Variants in STK31 observed in about 807,000 individuals in gnomAD.
STK31 encodes serine/threonine-protein kinase 31.
A neutral mutation model predicts 129.7 loss-of-function variants in STK31; 89 were observed. The ratio of observed to expected loss-of-function variants is 0.69; its 90% CI spans 0.58 to 0.82. The LOEUF is 0.82. STK31 is among the 40% of genes least tolerant of loss of function. STK31 has a pLI of 0.00. For missense variants in STK31, 1,187 were observed against 1,176.4 expected, an observed-to-expected ratio of 1.01 and a Z score of -0.13; for synonymous variants, 448 against 395.3, an observed-to-expected ratio of 1.13 and a Z score of -1.58.
chr7:23,811,465 T>C (rs186207275), intron 22 of STK31: 128 of 318,938 alleles, frequency 4.0e-4, no homozygotes, highest in Non-Finnish European at 6.8e-4. Flanking sequence ...CAGTGATTAC[T>C]GTGCTTTCAG....
intron 8 of STK31, among the ~76,000 whole-genome samples, chr7:23,750,067 T>TTCCCCCC (rs1788611310): frequency 3.3e-5 from 3 of 90,548 alleles, no homozygotes; most frequent in Admixed American, 1.4e-4. Flanking sequence ...ATGGTTTGTT[T>TTCCCCCC]CCCCCCCCGC....
intron 1 of STK31, chr7:23,710,556 T>C (rs1215131251): frequency 7.1e-7 from 1 of 1,408,500 alleles, no homozygotes; most frequent in Non-Finnish European, 9.2e-7. Context: ...CTGAATGATC[T>C]CCATGAAGAC....
chr7:23,793,233 T>C (rs1269662537), intron 22 of STK31, among the ~76,000 whole-genome samples: 1 of 152,230 alleles, frequency 6.6e-6, no homozygotes, highest in African/African-American at 2.4e-5. Context: ...TCTTATACCA[T>C]GCACAAAAAT....
chr7:23,810,017 C>T (rs1161023025), intron 22 of STK31, among the ~76,000 whole-genome samples: 1 of 152,064 alleles, frequency 6.6e-6, no homozygotes, highest in Non-Finnish European at 1.5e-5. Context: ...AGTTGAAGTC[C>T]CTGGCTATAA....
chr7:23,783,152 G>A (rs933720572), intron 16 of STK31, among the ~76,000 whole-genome samples: 2 of 152,168 alleles, frequency 1.3e-5, no homozygotes, highest in African/African-American at 4.8e-5. Context: ...TGGCAGCGAG[G>A]TACAGAAACA....
chr7:23,778,491 G>A (rs573328556), intron 15 of STK31, among the ~76,000 whole-genome samples: 3 of 152,024 alleles, frequency 2.0e-5, no homozygotes, highest in African/African-American at 7.2e-5. Context: ...CGTAGGTTTG[G>A]TCTTTTCACA....
chr7:23,791,732 T>C (rs1791630224), intron 22 of STK31, among the ~76,000 whole-genome samples: 1 of 152,218 alleles, frequency 6.6e-6, no homozygotes, highest in African/African-American at 2.4e-5. Context: ...TCTTTGTTGA[T>C]CACATAAATA....
intron 5 of STK31, chr7:23,727,649 G>A: frequency 5.0e-6 from 1 of 200,204 alleles, no homozygotes; most frequent in Non-Finnish European, 9.2e-6. Context: ...TGCAAACTCT[G>A]CCTCCTAGGT....
chr7:23,788,047 A>G lies in STK31; in HGVS notation c.2555A>G (p.His852Arg). ...LHTLHKADII[H>R]GSLHQNNVFA... ...ACATTGCATAAGGCTGACATAATTCATGGATCACTTCATCAGAACAATGTA... is the reference window on the plus strand; with the variant it reads ...ACATTGCATAAGGCTGACATAATTCGTGGATCACTTCATCAGAACAATGTA... Residue 852 changes from histidine (H) to arginine (R), a missense_variant, in exon 21 of 24, where the codon CAT becomes CGT. Physicochemically the swap from His to Arg is conservative, Grantham distance 29 (BLOSUM62 0). Transcript: ENST00000355870. 1 of 1,612,508 alleles carries G rather than the reference A, an allele frequency of 6.2e-7. No individual in the cohort carries two copies. The highest frequency in any genetic ancestry group is 1.3e-5 in the African/African-American group (1 of 74,984).
At chr7:23,803,081 A>T (rs1245290066) in intron 22 of STK31, among the ~76,000 whole-genome samples, 1 of 152,132 alleles carries the variant, frequency 6.6e-6, no homozygotes, top group Non-Finnish European at 1.5e-5. Flanking sequence ...TGTGTTTTTT[A>T]AAAATTTTTG....
At chr7:23,758,625 CTT>C (rs1464532272) in intron 10 of STK31, among the ~76,000 whole-genome samples, 7 of 152,140 alleles carry the variant, frequency 4.6e-5, no homozygotes, top group Admixed American at 2.6e-4. Context: ...AAATTCCTCT[CTT>C]AACACTACTT....
In STK31 at chr7:23,721,384, A is replaced by T; in HGVS notation, c.249+3805A>T. 1.5e-5 allele frequency: 15 copies of T among 1,016,580 alleles called. No individual in the cohort carries two copies. In the South Asian group the frequency reaches 2.0e-4, roughly 14 times the overall value. 63.0% of individuals were successfully genotyped at this position (1,016,580 alleles called of 1,614,324 possible). ...AGCGTTGTGATTTTTTTCTCAGTAA[A>T]TTTTGAGGTGGCTCCTCTGGCTTCA... On this transcript the variant is annotated intron_variant, in intron 4 of 23. Transcript: ENST00000355870.
chr7:23,723,308 T>C (rs1786840562), intron 4 of STK31, among the ~76,000 whole-genome samples: 1 of 152,210 alleles, frequency 6.6e-6, no homozygotes, highest in Non-Finnish European at 1.5e-5. Context: ...TGCAGATAAG[T>C]GTCTCTATAT....
chr7:23,825,081 C>A (rs369211076), intron 23 of STK31, among the ~76,000 whole-genome samples: 3 of 151,720 alleles, frequency 2.0e-5, no homozygotes, highest in Admixed American at 1.3e-4. Flanking sequence ...TGTCTCTGCC[C>A]GGCTTTGGTA....
chr7:23,749,344 G>GT (rs201417190), intron 8 of STK31, among the ~76,000 whole-genome samples: 2,575 of 124,860 alleles, frequency 0.021, 88 homozygotes, highest in Admixed American at 0.093. Flanking sequence ...TTCTTTTCTT[G>GT]TTTTTTTTTT....
intron 22 of STK31, among the ~76,000 whole-genome samples, chr7:23,810,612 A>G (rs1262135931): frequency 3.7e-5 from 5 of 135,954 alleles, no homozygotes; most frequent in African/African-American, 1.4e-4. Flanking sequence ...ATATATATAT[A>G]TATATAATAT....
intron 10 of STK31, among the ~76,000 whole-genome samples, chr7:23,758,382 G>T (rs1936013869): frequency 6.6e-6 from 1 of 151,722 alleles, no homozygotes; most frequent in African/African-American, 2.4e-5. Context: ...CTAGCTAGTG[G>T]TCTGTTTTGT....
intron 22 of STK31, among the ~76,000 whole-genome samples, chr7:23,806,399 G>A (rs1453385623): frequency 1.3e-5 from 2 of 152,158 alleles, no homozygotes; most frequent in Admixed American, 1.3e-4. Flanking sequence ...CTTTCTTGAG[G>A]ACCAGCTCAC....
chr7:23,800,669 G>A (rs1353377743), intron 22 of STK31, among the ~76,000 whole-genome samples: 7 of 151,964 alleles, frequency 4.6e-5, no homozygotes, highest in African/African-American at 1.5e-4. Flanking sequence ...GATGGGTGCA[G>A]CAAACCACCA....
Sources: gnomAD v4.1 joint callset for allele counts (sites outside exome capture counted in the v4.1 genomes callset) on GRCh38, gnomAD v4.1.1 for gene constraint, MANE v1.5 for transcripts, NCBI Gene and HGNC (gene_info 2026-07-23, HGNC 2026-07-21) for gene names.